The following SULF2 variants were observed in gnomAD, a reference collection of about 807,000 sequenced individuals.
The protein encoded by SULF2 is sulfatase 2.
SULF2 carries 52 observed loss-of-function variants against 107.7 expected under a neutral mutation model. The observed-to-expected ratio is 0.48, with a 90% CI of 0.39 to 0.61. SULF2 has a LOEUF of 0.61. SULF2 is among the 20% of genes least tolerant of loss of function. The pLI is 0.00. For synonymous variants in SULF2, 460 were observed against 464.3 expected (o/e 0.99, Z 0.12); for missense variants, 993 against 1,177.3 (o/e 0.84, Z 2.29).
chr20:47,769,207 T>C (rs550250858), intron 1 of SULF2, among the ~76,000 whole-genome samples: 2 of 152,148 alleles, frequency 1.3e-5, no homozygotes, highest in East Asian at 3.9e-4. Context: ...CGCCCGCTAA[T>C]TTTTTTGTAT....
At chr20:47,720,774 A>G (rs1381736448) in intron 3 of SULF2, among the ~76,000 whole-genome samples, 1 of 152,102 alleles carries the variant, frequency 6.6e-6, no homozygotes, top group Non-Finnish European at 1.5e-5. Flanking sequence ...CCAGTAGAAG[A>G]GTCCTCCACT....
At position 47,674,012 on chromosome 20, in the gene SULF2, G is replaced by A. The variant is rs77660282; in HGVS notation, c.1381-1619C>T. Among the ~76,000 whole-genome samples the A allele has an allele frequency of 1.1e-3, 170 of 152,330 alleles. 3 individuals carry two copies. The East Asian group carries it at 0.024, about 22-fold the overall frequency. ...CAGCTGGGGCACGACTTGAGGGGTC[G>A]GCAAACAGCAGCCCTCTTGCTAGTC... On this transcript the variant is annotated intron_variant, in intron 10 of 20. Coordinates refer to ENST00000688720, the MANE Select transcript of SULF2 (RefSeq NM_001387048.1).
At chr20:47,775,959 C>T (rs1253272353) in intron 1 of SULF2, among the ~76,000 whole-genome samples, 5 of 152,152 alleles carry the variant, frequency 3.3e-5, no homozygotes, top group Admixed American at 6.5e-5. Flanking sequence ...CAACGGGAGA[C>T]AAACTCAAAT....
At chr20:47,786,123 G>A (rs1294637889), upstream of SULF2, 2 of 152,288 alleles carry the variant, frequency 1.3e-5, no homozygotes, top group African/African-American at 4.8e-5. Context: ...AGCTGGAAAC[G>A]AGGGAGGGAA....
intron 6 of SULF2, chr20:47,684,202 T>C: frequency 2.2e-6 from 1 of 454,738 alleles, no homozygotes; most frequent in East Asian, 3.7e-5. Context: ...ATAACTAGCA[T>C]ATATGGTTAC....
chr20:47,705,449 G>A (rs1029829384), intron 3 of SULF2, among the ~76,000 whole-genome samples: 10 of 152,236 alleles, frequency 6.6e-5, no homozygotes, highest in African/African-American at 2.4e-4. Flanking sequence ...CCCTGGCTAG[G>A]TGTCAGGGAG....
At chr20:47,747,708 C>T (rs1198654859) in intron 2 of SULF2, among the ~76,000 whole-genome samples, 1 of 152,108 alleles carries the variant, frequency 6.6e-6, no homozygotes, top group Non-Finnish European at 1.5e-5. Flanking sequence ...GTTTGCAAAG[C>T]AACCTAATGT....
chr20:47,784,257 C>CA (rs1225440543), intron 1 of SULF2, among the ~76,000 whole-genome samples: 1 of 152,152 alleles, frequency 6.6e-6, no homozygotes, highest in African/African-American at 2.4e-5. Context: ...CACAGATGAG[C>CA]AAATACCCAG....
chr20:47,701,737 C>A (rs767393169), intron 4 of SULF2, among the ~76,000 whole-genome samples: 37 of 152,184 alleles, frequency 2.4e-4, no homozygotes, highest in Admixed American at 2.2e-3. Context: ...GAATGCTGGG[C>A]AGCAAGAATG....
intron 3 of SULF2, among the ~76,000 whole-genome samples, chr20:47,707,138 G>A (rs961511374): frequency 8.6e-5 from 13 of 151,668 alleles, no homozygotes; most frequent in African/African-American, 2.9e-4. Context: ...TACAGGCATG[G>A]CCACCACACC....
At chr20:47,696,679 G>C (rs1006394875) in intron 4 of SULF2, among the ~76,000 whole-genome samples, 6 of 152,158 alleles carry the variant, frequency 3.9e-5, no homozygotes, top group African/African-American at 1.4e-4. Context: ...ATGGTGATTT[G>C]TTGCAGTAAG....
intron 17 of SULF2, among the ~76,000 whole-genome samples, chr20:47,662,570 TC>T (rs1487481388): frequency 6.6e-6 from 1 of 152,204 alleles, no homozygotes; most frequent in African/African-American, 2.4e-5. Flanking sequence ...GCCCACATGT[TC>T]CGATGACCAG....
At chr20:47,754,251 C>T (rs1200363901) in intron 2 of SULF2, among the ~76,000 whole-genome samples, 1 of 152,290 alleles carries the variant, frequency 6.6e-6, no homozygotes, top group South Asian at 2.1e-4. Flanking sequence ...TGGAAAGAAT[C>T]CTGGGATTAT....
intron 6 of SULF2, among the ~76,000 whole-genome samples, chr20:47,683,584 G>T (rs1268807421): frequency 6.6e-6 from 1 of 152,262 alleles, no homozygotes; most frequent in Non-Finnish European, 1.5e-5. Context: ...TTGCGATCTG[G>T]AAGGGCGCCG....
intron 18 of SULF2, among the ~76,000 whole-genome samples, chr20:47,660,127 G>A (rs2087018649): frequency 6.6e-6 from 1 of 152,220 alleles, no homozygotes; most frequent in Non-Finnish European, 1.5e-5. Context: ...CGAGGATGTG[G>A]CAGGATCAAG....
At chr20:47,662,137 CTG>C (rs1033176888) in intron 17 of SULF2, among the ~76,000 whole-genome samples, 9 of 152,200 alleles carry the variant, frequency 5.9e-5, no homozygotes, top group African/African-American at 1.9e-4. Context: ...AAAACCACGT[CTG>C]TGTATTTAAC....
intron 3 of SULF2, among the ~76,000 whole-genome samples, chr20:47,721,323 G>T (rs2089291171): frequency 6.6e-6 from 1 of 152,082 alleles, no homozygotes; most frequent in South Asian, 2.1e-4. Context: ...AGCGAGCTGG[G>T]GGCTGGGAGA....
intron 3 of SULF2, among the ~76,000 whole-genome samples, chr20:47,726,325 C>T (rs1408550395): frequency 1.3e-5 from 2 of 152,154 alleles, no homozygotes; most frequent in Non-Finnish European, 2.9e-5. Context: ...CCTGCCTCAG[C>T]CTCCCAAGTA....
rs2087261599 is a variant in SULF2, at chr20:47,666,176, C to T, written c.1805+84G>A. 1.2e-6 allele frequency: 2 copies of T among 1,609,882 alleles called. No individual in the cohort carries two copies. Among genetic ancestry groups the T allele is most frequent in the Non-Finnish European group, 1.7e-6 (2 of 1,179,300 alleles). ...TCCCCACCATCCTTGTCATCTTGGT[C>T]CTCAGGGGCCCAAGAGGTGTGGGAA... On this transcript the variant is annotated intron_variant, in intron 12 of 20. Transcript: ENST00000688720. This position sits in a 1 kb window ranked among gnomAD's most constrained non-coding sequence, Gnocchi z 5.4.
Sources: allele counts gnomAD v4.1 joint callset (sites outside exome capture counted in the v4.1 genomes callset), GRCh38; gene constraint gnomAD v4.1.1; non-coding constraint Gnocchi (gnomAD v3.1); transcripts MANE v1.5; gene names NCBI Gene and HGNC (gene_info 2026-07-23, HGNC 2026-07-21).